Variants in RBM26 observed in about 807,000 individuals in gnomAD.
RBM26 encodes RNA-binding protein 26.
In RBM26, 30 loss-of-function variants were observed where a neutral mutation model predicts 123.6. That is an observed-to-expected ratio of 0.24 (90% CI 0.18 to 0.33). The LOEUF (loss-of-function observed/expected upper bound fraction) is 0.33, where lower values mean the gene tolerates loss of function less well. RBM26 is among the 10% of genes least tolerant of loss of function. The pLI is 1.00. For missense variants in RBM26, 947 were observed against 1,203.6 expected (o/e 0.79, Z 3.15); for synonymous variants, 400 against 404.4 (o/e 0.99, Z 0.13).
intron 11 of RBM26, among the ~76,000 whole-genome samples, chr13:79,356,925 CT>C (rs1323104346): frequency 6.6e-6 from 1 of 152,046 alleles, no homozygotes; most frequent in Admixed American, 6.6e-5. Context: ...TTTTGAAAAC[CT>C]TTTTATGACT....
At chr13:79,401,253 T>A (rs555093506) in intron 1 of RBM26, among the ~76,000 whole-genome samples, 1 of 152,220 alleles carries the variant, frequency 6.6e-6, no homozygotes, top group Non-Finnish European at 1.5e-5. Flanking sequence ...ACCACAAAGA[T>A]GTTTATTTCT....
chr13:79,364,530 T>G (rs2075053473), intron 9 of RBM26, among the ~76,000 whole-genome samples: 1 of 152,236 alleles, frequency 6.6e-6, no homozygotes, highest in Non-Finnish European at 1.5e-5. Context: ...GATATATTTT[T>G]TGTTAGCCCA....
rs540014612 is a variant in RBM26, at chr13:79,341,689, T to G, written c.2428-462A>C. ...ATGGGTGGGGACAGAGTGCCAGGAG[T>G]CAAAGGGAAAGGGGTCTTTTATGTA... is the stretch of plus-strand genomic sequence containing the variant. On this transcript the variant is annotated intron_variant, in intron 17 of 21. Transcript: ENST00000438737. 4.0e-5 allele frequency among the ~76,000 whole-genome samples: 6 copies of G among 151,498 alleles called. No individual in the cohort carries two copies. In the South Asian group the frequency reaches 1.2e-3, roughly 32 times the overall value.
intron 20 of RBM26, among the ~76,000 whole-genome samples, chr13:79,327,288 C>A (rs2068574019): frequency 3.3e-5 from 3 of 91,328 alleles, no homozygotes. Context: ...AGAATGAGAA[C>A]CTGTCTCAAA....
At position 79,358,402 on chromosome 13, in the gene RBM26, A is replaced by G. The variant is rs753256652; in HGVS notation, c.1561T>C (p.Phe521Leu). 1.2e-6 allele frequency: 2 copies of G among 1,610,790 alleles called. No homozygotes were observed. Among genetic ancestry groups the G allele is most frequent in the Admixed American group, 1.7e-5 (1 of 59,294 alleles). ...TTTCCAAATTGAACCTTCTTCTGAAAGCCTGGGCTGTTTGTTCTATTAAAA... is the reference window on the plus strand; with the variant it reads ...TTTCCAAATTGAACCTTCTTCTGAAGGCCTGGGCTGTTTGTTCTATTAAAA... ...PNFNRTNSPGFQKKVQFGNEN... is the reference protein window; with the variant it reads ...PNFNRTNSPGLQKKVQFGNEN... Residue 521 changes from phenylalanine to leucine, a missense_variant, in exon 11 of 22, where the codon TTT becomes CTT. Transcript: ENST00000438737.
At chr13:79,360,751 C>T (rs2074583028) in intron 9 of RBM26, among the ~76,000 whole-genome samples, 1 of 152,032 alleles carries the variant, frequency 6.6e-6, no homozygotes. Flanking sequence ...TGTAAAAGAG[C>T]TGTAAAAGTC....
chr13:79,348,844 T>A (rs1472155638), intron 14 of RBM26, among the ~76,000 whole-genome samples: 1 of 152,196 alleles, frequency 6.6e-6, no homozygotes, highest in African/African-American at 2.4e-5. Context: ...TACTTTTAGA[T>A]ATTAATCGTT....
At position 79,319,970 on chromosome 13, in the gene RBM26, T is replaced by TTTC. The variant is rs2067497495; in HGVS notation, c.*650_*651insGAA. Reference sequence around the variant, plus strand: ...TTGGCTTTTTTTTTTTTTTTTTTTTTGTCATTGCTTTTCTCTTTTCTTTCC... The same window carrying TTTC: ...TTGGCTTTTTTTTTTTTTTTTTTTTTTTCGTCATTGCTTTTCTCTTTTCTTTCC... On this transcript the variant is annotated 3_prime_UTR_variant, in exon 22 of 22. Coordinates refer to ENST00000438737, the MANE Select transcript of RBM26 (RefSeq NM_001366735.2). 7 of 457,406 alleles carry TTTC rather than the reference T, an allele frequency of 1.5e-5. No homozygotes were observed. Among genetic ancestry groups the TTTC allele is most frequent in the Non-Finnish European group, 1.9e-5 (7 of 371,430 alleles). The allele number at this position is 457,406 out of a possible 1,614,324, so 28.3% of individuals were successfully genotyped here.
intron 7 of RBM26, 143 bp from the exon 8 acceptor site, chr13:79,366,338 G>T: frequency 1.0e-6 from 1 of 984,994 alleles, no homozygotes; most frequent in Non-Finnish European, 1.5e-6. Context: ...GATATCCAGG[G>T]TAAAATATCC....
intron 5 of RBM26, among the ~76,000 whole-genome samples, 186 bp downstream of exon 5, chr13:79,370,759 G>C (rs1426756112): frequency 6.6e-6 from 1 of 152,158 alleles, no homozygotes; most frequent in Non-Finnish European, 1.5e-5. Context: ...ATGTGTAGTG[G>C]TAACTGTGAT....
intron 1 of RBM26, 31 bp from the exon 2 acceptor site, chr13:79,378,938 T>G (rs191639570): frequency 7.9e-5 from 104 of 1,310,658 alleles, no homozygotes; most frequent in Non-Finnish European, 1.1e-4. Flanking sequence ...TGAAGAAAAT[T>G]TAGCCAACTG....
At chr13:79,377,705 T>G (rs2076763556) in intron 2 of RBM26, among the ~76,000 whole-genome samples, 190 bp from the exon 3 acceptor site, 1 of 152,066 alleles carries the variant, frequency 6.6e-6, no homozygotes, top group African/African-American at 2.4e-5. Flanking sequence ...GGCAGGTGGA[T>G]CACCTGAGGT....
Position 79,388,174 on chromosome 13 carries a change from C to T in RBM26, c.72-9267G>A, listed in dbSNP as rs1286042235. On this transcript the variant is annotated intron_variant, in intron 1 of 21. Transcript: ENST00000438737. ...ATGCAGTGGCGATCTCAGCTGACTG[C>T]AACCTCCGCCTCCCGGGTTCAAGCA... 2.6e-5 allele frequency among the ~76,000 whole-genome samples: 4 copies of T among 152,370 alleles called. No individual in the cohort carries two copies. In the South Asian group the frequency reaches 6.2e-4, roughly 24 times the overall value.
intron 15 of RBM26, 130 bp downstream of exon 15, chr13:79,344,539 A>G (rs2071972569): frequency 1.1e-6 from 1 of 909,320 alleles, no homozygotes. Context: ...ATACTATGGA[A>G]AATAAACGTT....
Position 79,319,584 on chromosome 13 carries a change from A to G in RBM26, c.*1037T>C, listed in dbSNP as rs1593854674. Reference sequence around the variant, plus strand: ...ATCTATAGTACATTTCTTTATTCATATATCTTCAAATGGTCAAGTTTTCTT... The same window carrying G: ...ATCTATAGTACATTTCTTTATTCATGTATCTTCAAATGGTCAAGTTTTCTT... On this transcript the variant is annotated 3_prime_UTR_variant, in exon 22 of 22. Coordinates refer to ENST00000438737, the MANE Select transcript of RBM26 (RefSeq NM_001366735.2). 7 of 982,676 alleles carry G rather than the reference A, an allele frequency of 7.1e-6. No individual in the cohort carries two copies. Among genetic ancestry groups the G allele is most frequent in the South Asian group, 4.7e-5 (1 of 21,242 alleles). 60.9% of individuals were successfully genotyped at this position (982,676 alleles called of 1,614,324 possible). A position where few individuals can be genotyped will look rare whatever the true frequency, so the allele number is the denominator to read the frequency against.
Position 79,344,796 on chromosome 13 carries a change from T to C in RBM26, c.2059-2A>G. The stretch of plus-strand genomic sequence containing the variant: ...TAGGCCAGTAGATGTAGACAACACC[T>C]ACCAATACAAATTCAACTTTTAAAA... On this transcript the variant is annotated splice_acceptor_variant, in intron 14 of 21. Transcript: ENST00000438737. LOFTEE classifies it high-confidence loss of function. 1 of 1,608,468 alleles carries C rather than the reference T, an allele frequency of 6.2e-7. No homozygotes were observed. Among genetic ancestry groups the C allele is most frequent in the Non-Finnish European group, 8.5e-7 (1 of 1,178,116 alleles).
chr13:79,344,731 G>C lies in RBM26; in HGVS notation c.2122C>G (p.Gln708Glu). The change falls in exon 15 of 22, where the codon CAG becomes GAG. Residue 708 changes from glutamine to glutamate, a missense_variant. Physicochemically the swap from Gln to Glu is conservative, Grantham distance 29. Transcript: ENST00000438737. ...GAGGTGGAAACAAGTAAGGTTTTCTGTGCAGCCTTCAAAGCAGCTGGATTA... is the reference window on the plus strand; with the variant it reads ...GAGGTGGAAACAAGTAAGGTTTTCTCTGCAGCCTTCAAAGCAGCTGGATTA... ...VYNPAALKAA[Q>E]KTLLVSTSAV... is the part of the protein sequence containing the mutation. 1 of 1,612,964 alleles carries C rather than the reference G, an allele frequency of 6.2e-7. No individual in the cohort carries two copies. Among genetic ancestry groups the C allele is most frequent in the Non-Finnish European group, 8.5e-7 (1 of 1,179,330 alleles).
At chr13:79,389,277 C>A (rs1378493301) in intron 1 of RBM26, among the ~76,000 whole-genome samples, 2 of 152,056 alleles carry the variant, frequency 1.3e-5, no homozygotes, top group African/African-American at 4.8e-5. Context: ...AGATTTAAAC[C>A]AAGAAAGTAT....
At position 79,322,443 on chromosome 13, in the gene RBM26, C is replaced by T. The variant is rs758507264; in HGVS notation, c.2840G>A (p.Arg947His). The change falls in exon 21 of 22, where the codon CGT (arginine) becomes CAT (histidine). Residue 947 changes from arginine to histidine, a missense_variant. Coordinates refer to ENST00000438737, the MANE Select transcript of RBM26 (RefSeq NM_001366735.2). ...EAEAAAVHGA[R>H]FKGQDLKLAW... Reference sequence around the variant, plus strand: ...CAGTTTTAGATCTTGCCCTTTGAAACGAGCTCCATGAACTGCAGCCTAAAA... The same window carrying T: ...CAGTTTTAGATCTTGCCCTTTGAAATGAGCTCCATGAACTGCAGCCTAAAA... The T allele has an allele frequency of 3.8e-5, 60 of 1,568,372 alleles. No individual in the cohort carries two copies. The highest frequency in any genetic ancestry group is 3.1e-4 in the East Asian group (13 of 41,868).
Sources: gnomAD v4.1 joint callset for allele counts (sites outside exome capture counted in the v4.1 genomes callset) on GRCh38, gnomAD v4.1.1 for gene constraint, MANE v1.5 for transcripts, NCBI Gene and HGNC (gene_info 2026-07-23, HGNC 2026-07-21) for gene names.